Variants in GATB observed in about 807,000 individuals in gnomAD.
GATB encodes glutamyl-tRNA amidotransferase subunit B.
In GATB, 39 loss-of-function variants were observed where a neutral mutation model predicts 62.3. The observed-to-expected ratio is 0.63, with a 90% CI of 0.48 to 0.82. The LOEUF is 0.82. Among genes scored for constraint, GATB ranks in the 40% least tolerant of loss-of-function variants. The probability of loss-of-function intolerance (pLI) is 0.00; values close to 1 mark genes in which losing one functional copy is unlikely to be tolerated. For synonymous variants in GATB, 276 were observed against 258.9 expected, an observed-to-expected ratio of 1.07 and a Z score of -0.63; for missense variants, 670 against 684.0, an observed-to-expected ratio of 0.98 and a Z score of 0.23.
At chr4:151,673,269 G>A (rs967191663) in intron 11 of GATB, 8 of 177,862 alleles carry the variant, frequency 4.5e-5, no homozygotes, top group African/African-American at 1.4e-4. Flanking sequence ...GGGGGGCCGC[G>A]GGAGGCGTGG....
rs866261482 is a variant in GATB, at chr4:151,687,796, G to A, written c.1331+834C>T. Among the ~76,000 whole-genome samples, 39 of 152,280 alleles carry A rather than the reference G, an allele frequency of 2.6e-4. No homozygotes were observed. In the Middle Eastern group the frequency reaches 0.017, roughly 66 times the overall value. ...GCCTGTCATGTGAGGACATCTGTGA[G>A]CCAGGCAGAGGGCTTCACCCAGGAA... On this transcript the variant is annotated intron_variant, in intron 10 of 12. Coordinates refer to ENST00000263985, the MANE Select transcript of GATB (RefSeq NM_004564.3).
In GATB at chr4:151,701,411, G is replaced by A. The variant is rs1484717612; in HGVS notation, c.1115C>T (p.Thr372Ile). ...GGTCACACTGGGGAGCTCCGGGAGT[G>A]TCTCCCGAATCTGGTCAATATTGAT... ...QVINIDQIRE[T>I]LPELPSVTRE... Residue 372 changes from threonine (T) to isoleucine (I), a missense_variant, in exon 9 of 13, where the codon ACA becomes ATA. Transcript: ENST00000263985. The A allele has an allele frequency of 6.2e-7, 1 of 1,605,884 alleles. No homozygotes were observed. The highest frequency in any genetic ancestry group is 1.7e-5 in the Admixed American group (1 of 58,920).
chr4:151,729,156 GAGAA>G (rs1047064637), intron 2 of GATB, among the ~76,000 whole-genome samples: 2 of 152,174 alleles, frequency 1.3e-5, no homozygotes, highest in Non-Finnish European at 1.5e-5. Context: ...AGGTTCGTAA[GAGAA>G]AGAAAGAAAA....
At chr4:151,712,521 C>G (rs1464644431) in intron 5 of GATB, among the ~76,000 whole-genome samples, 1 of 152,112 alleles carries the variant, frequency 6.6e-6, no homozygotes, top group African/African-American at 2.4e-5. Context: ...CACACTCACA[C>G]AACAGAAATA....
At chr4:151,740,203 A>G (rs1739456223) in intron 2 of GATB, among the ~76,000 whole-genome samples, 1 of 152,238 alleles carries the variant, frequency 6.6e-6, no homozygotes, top group African/African-American at 2.4e-5. Context: ...CTAAAACTAC[A>G]CAATATCTTC....
At chr4:151,732,542 C>T (rs1398628694) in intron 2 of GATB, among the ~76,000 whole-genome samples, 6 of 151,796 alleles carry the variant, frequency 4.0e-5, no homozygotes, top group African/African-American at 1.2e-4. Context: ...GAGTCATCAC[C>T]ACTCCCTAAT....
intron 2 of GATB, among the ~76,000 whole-genome samples, chr4:151,731,606 C>A (rs181715981): frequency 6.6e-6 from 1 of 152,052 alleles, no homozygotes; most frequent in Non-Finnish European, 1.5e-5. Context: ...CGCCTCTGCC[C>A]GGCTGCCCAG....
Position 151,701,522 on chromosome 4 carries a change from G to C in GATB, c.1008-4C>G, listed in dbSNP as rs1738606066. 2 of 1,495,106 alleles carry C rather than the reference G, an allele frequency of 1.3e-6. No individual in the cohort carries two copies. The highest frequency in any genetic ancestry group is 4.3e-5 in the Admixed American group (2 of 46,886). 92.6% of individuals were successfully genotyped at this position (1,495,106 alleles called of 1,614,324 possible). ...CAGGTTGGGTTCTGGCATGAACCTG[G>C]GCAGACAGAGGAGACGGGACCTGAA... On this transcript the variant is annotated splice_polypyrimidine_tract_variant and splice_region_variant and intron_variant, in intron 8 of 12. Transcript: ENST00000263985.
chr4:151,714,168 G>C (rs1245379012), intron 5 of GATB, among the ~76,000 whole-genome samples: 1 of 152,162 alleles, frequency 6.6e-6, no homozygotes, highest in Non-Finnish European at 1.5e-5. Context: ...CTTGGAACCT[G>C]GGCTAAGCTG....
chr4:151,729,239 G>C lies in GATB; in HGVS notation c.328-9701C>G, dbSNP rs941786526. On this transcript the variant is annotated intron_variant, in intron 2 of 12. Transcript: ENST00000263985. ...TGTTTGCTTTAGGAGTAGATAGTAA[G>C]ATAAAATAGCTGGCCTGGGCATTTC... Among the ~76,000 whole-genome samples, 20 of 151,886 alleles carry C rather than the reference G, an allele frequency of 1.3e-4. 1 individual carries two copies. The highest frequency in any genetic ancestry group is 1.2e-3 in the Admixed American group (18 of 15,248).
intron 6 of GATB, among the ~76,000 whole-genome samples, chr4:151,706,127 A>G (rs866019146): frequency 2.0e-5 from 3 of 152,012 alleles, no homozygotes; most frequent in Non-Finnish European, 4.4e-5. Context: ...TCTCTCCCCA[A>G]CTCCAGTGAT....
At chr4:151,719,574 G>A (rs542008875) in intron 2 of GATB, 36 bp from the exon 3 acceptor site, 12 of 1,400,378 alleles carry the variant, frequency 8.6e-6, no homozygotes, top group African/African-American at 2.9e-5. Flanking sequence ...TCTCAGAACC[G>A]CAGGCTGAAC....
At chr4:151,710,723 C>T (rs1738801171) in intron 5 of GATB, among the ~76,000 whole-genome samples, 1 of 152,222 alleles carries the variant, frequency 6.6e-6, no homozygotes, top group Non-Finnish European at 1.5e-5. Context: ...TTTTCGTCCT[C>T]TGGATGCTTT....
rs147189783 is a variant in GATB, at chr4:151,711,117, A to G, written c.764-3016T>C. On this transcript the variant is annotated intron_variant, in intron 5 of 12. Transcript: ENST00000263985. Reference sequence around the variant, plus strand: ...AGCCTATTTCTAAAAACCATCTTGTATGTCTCTCTTGTCTCTCCTTCATCT... The same window carrying G: ...AGCCTATTTCTAAAAACCATCTTGTGTGTCTCTCTTGTCTCTCCTTCATCT... Among the ~76,000 whole-genome samples the G allele has an allele frequency of 2.9e-3, 448 of 152,138 alleles. 3 individuals carry two copies. Among genetic ancestry groups the G allele is most frequent in the African/African-American group, 9.8e-3 (407 of 41,496 alleles).
chr4:151,733,490 C>T (rs1739308974), intron 2 of GATB, among the ~76,000 whole-genome samples: 1 of 151,914 alleles, frequency 6.6e-6, no homozygotes, highest in African/African-American at 2.4e-5. Flanking sequence ...AATTGCCAAC[C>T]AAAAAAAGTC....
intron 7 of GATB, among the ~76,000 whole-genome samples, chr4:151,704,972 G>T (rs1249521462): frequency 1.3e-5 from 2 of 151,782 alleles, no homozygotes; most frequent in Non-Finnish European, 2.9e-5. Flanking sequence ...GGATGGTCTC[G>T]ATCTCCCGAC....
intron 2 of GATB, among the ~76,000 whole-genome samples, chr4:151,733,275 G>C (rs991190592): frequency 6.6e-6 from 1 of 152,000 alleles, no homozygotes; most frequent in Non-Finnish European, 1.5e-5. Flanking sequence ...ACTGAGAAAC[G>C]AAACAGGAGA....
chr4:151,716,485 A>G (rs1738915770), intron 4 of GATB, among the ~76,000 whole-genome samples: 1 of 152,062 alleles, frequency 6.6e-6, no homozygotes, highest in Non-Finnish European at 1.5e-5. Context: ...TATGTTGCCC[A>G]GCCTGATCTC....
At chr4:151,731,287 G>A (rs745530928) in intron 2 of GATB, among the ~76,000 whole-genome samples, 4 of 152,190 alleles carry the variant, frequency 2.6e-5, no homozygotes, top group African/African-American at 7.2e-5. Flanking sequence ...ACTGGTTTTC[G>A]TATTTTTTTG....
Sources: allele counts gnomAD v4.1 joint callset (sites outside exome capture counted in the v4.1 genomes callset), GRCh38; gene constraint gnomAD v4.1.1; transcripts MANE v1.5; gene names NCBI Gene and HGNC (gene_info 2026-07-23, HGNC 2026-07-21).